Variants in FGF12 observed in about 807,000 individuals in gnomAD.
The protein encoded by FGF12 is fibroblast growth factor 12, also known as fibroblast growth factor 12B.
In FGF12, 14 loss-of-function variants were observed where a neutral mutation model predicts 23.6. That is an observed-to-expected ratio of 0.59 (90% CI 0.39 to 0.93). FGF12 has a LOEUF of 0.93. Ranked by LOEUF, FGF12 falls within the 40% of genes least tolerant of loss-of-function variation. The pLI is 0.00. For synonymous variants in FGF12, 62 were observed against 77.3 expected (o/e 0.80, Z 1.04); for missense variants, 175 against 217.8 (o/e 0.80, Z 1.24).
chr3:192,355,161 T>C (rs773925168), intron 3 of FGF12, among the ~76,000 whole-genome samples: 26 of 152,248 alleles, frequency 1.7e-4, no homozygotes, highest in Non-Finnish European at 3.4e-4. Context: ...TCTAGGTAAC[T>C]ATCCTATAAA....
chr3:192,624,748 TA>T (rs769605117), intron 2 of FGF12, among the ~76,000 whole-genome samples: 7 of 152,166 alleles, frequency 4.6e-5, no homozygotes, highest in Non-Finnish European at 8.8e-5. Flanking sequence ...ACAATGATTG[TA>T]AAATTAATTT....
chr3:192,177,642 A>C (rs929383628), intron 4 of FGF12, among the ~76,000 whole-genome samples: 1 of 152,244 alleles, frequency 6.6e-6, no homozygotes, highest in African/African-American at 2.4e-5. Context: ...ATGTACAGTC[A>C]ATGAGTGAAT....
chr3:192,407,723 T>TGAATGAATGAATG (rs760552008), intron 2 of FGF12, among the ~76,000 whole-genome samples: 4,564 of 147,582 alleles, frequency 0.031, 113 homozygotes, highest in African/African-American at 0.067. Context: ...ATGAATGAAT[T>TGAATGAATGAATG]AATGAATGAA....
chr3:192,170,136 CTT>C (rs5855410), intron 5 of FGF12, among the ~76,000 whole-genome samples: 16 of 127,584 alleles, frequency 1.3e-4, no homozygotes, highest in South Asian at 5.3e-4. Context: ...TAGAATTTTC[CTT>C]TTTTTTTTTT....
intron 4 of FGF12, among the ~76,000 whole-genome samples, 170 bp downstream of exon 4, chr3:192,335,191 G>A (rs1294573918): frequency 6.6e-6 from 1 of 152,058 alleles, no homozygotes; most frequent in African/African-American, 2.4e-5. Flanking sequence ...AACAAGACAT[G>A]GTCCTTAACA....
intron 2 of FGF12, among the ~76,000 whole-genome samples, chr3:192,464,765 T>A (rs1722962921): frequency 6.6e-6 from 1 of 152,160 alleles, no homozygotes; most frequent in Admixed American, 6.5e-5. Flanking sequence ...TACAGCTTTT[T>A]CCTGTGGACT....
chr3:192,447,112 C>G (rs1722377031), intron 2 of FGF12, among the ~76,000 whole-genome samples: 1 of 152,108 alleles, frequency 6.6e-6, no homozygotes, highest in African/African-American at 2.4e-5. Context: ...TATTGTCTTC[C>G]CCAGTAGAGG....
At chr3:192,505,416 T>C (rs1021483859) in intron 2 of FGF12, among the ~76,000 whole-genome samples, 1 of 152,198 alleles carries the variant, frequency 6.6e-6, no homozygotes, top group African/African-American at 2.4e-5. Flanking sequence ...TGTACCTCTT[T>C]CCATATTTAG....
At chr3:192,500,039 A>C (rs924154086) in intron 2 of FGF12, among the ~76,000 whole-genome samples, 10 of 152,156 alleles carry the variant, frequency 6.6e-5, no homozygotes, top group African/African-American at 2.4e-4. Context: ...TCATGAGGTG[A>C]GAAGATCAAT....
At position 192,551,754 on chromosome 3, in the gene FGF12, A is replaced by G. The variant is rs532246752; in HGVS notation, c.13+175427T>C. 2.7e-5 allele frequency among the ~76,000 whole-genome samples: 4 copies of G among 147,848 alleles called. No individual in the cohort carries two copies. The East Asian group carries it at 7.8e-4, about 29-fold the overall frequency. ...GAATAAAACTAAACACTCCTCAAAG[A>G]AAAAAAAAATACTCAATACATACCA... On this transcript the variant is annotated intron_variant, in intron 2 of 5. Coordinates refer to ENST00000445105, the MANE Select transcript of FGF12 (RefSeq NM_004113.6).
At chr3:192,279,917 T>C (rs1204784135) in intron 4 of FGF12, among the ~76,000 whole-genome samples, 1 of 152,226 alleles carries the variant, frequency 6.6e-6, no homozygotes, top group East Asian at 1.9e-4. Context: ...CTAATGCATA[T>C]TAAATTATGC....
intron 4 of FGF12, among the ~76,000 whole-genome samples, chr3:192,247,032 AGAAGGAAGGAAGGAAGGAAG>A (rs71177355): frequency 0.13 from 10,935 of 86,200 alleles, 742 homozygotes; most frequent in South Asian, 0.18. Flanking sequence ...AGGGAAGGAA[AGAAGGAAGGAAGGAAGGAAG>A]GAAGGAAGGA....
intron 2 of FGF12, among the ~76,000 whole-genome samples, chr3:192,421,297 C>A (rs2108784318): frequency 6.6e-6 from 1 of 151,966 alleles, no homozygotes; most frequent in African/African-American, 2.4e-5. Flanking sequence ...GATTTAAGTC[C>A]TTTAATGAAG....
chr3:192,640,451 T>A (rs1028589228), intron 2 of FGF12, among the ~76,000 whole-genome samples: 1 of 152,146 alleles, frequency 6.6e-6, no homozygotes, highest in African/African-American at 2.4e-5. Context: ...ATATCACATA[T>A]AAGTAAAGAT....
intron 4 of FGF12, among the ~76,000 whole-genome samples, chr3:192,182,431 A>T (rs1209960107): frequency 6.6e-6 from 1 of 152,178 alleles, no homozygotes; most frequent in Non-Finnish European, 1.5e-5. Flanking sequence ...CAGGCTCACA[A>T]AACAAAGATG....
Position 192,461,454 on chromosome 3 carries a change from A to C in FGF12, c.14-100916T>G, listed in dbSNP as rs920649058. 2.6e-5 allele frequency among the ~76,000 whole-genome samples: 4 copies of C among 152,346 alleles called. No individual in the cohort carries two copies. The South Asian group carries it at 8.3e-4, about 32-fold the overall frequency. ...AAGAGAAGAGTACAAAATTCCTGTG[A>C]AGGATTAATAGTGACTGGAATTCCA... On this transcript the variant is annotated intron_variant, in intron 2 of 5. Transcript: ENST00000445105.
intron 2 of FGF12, among the ~76,000 whole-genome samples, chr3:192,475,060 T>C (rs1170013266): frequency 6.6e-6 from 1 of 152,186 alleles, no homozygotes; most frequent in Non-Finnish European, 1.5e-5. Context: ...GGTATCCTTC[T>C]AACAATTCCT....
At position 192,438,890 on chromosome 3, in the gene FGF12, A is replaced by G. The variant is rs376370468; in HGVS notation, c.14-78352T>C. ...AAACAGAACAGGTTGGCTTGAGAGAAGCACCTCTACAGGGCTGAATGTAAA... is the reference window on the plus strand; with the variant it reads ...AAACAGAACAGGTTGGCTTGAGAGAGGCACCTCTACAGGGCTGAATGTAAA... On this transcript the variant is annotated intron_variant, in intron 2 of 5. Coordinates refer to ENST00000445105, the MANE Select transcript of FGF12 (RefSeq NM_004113.6). Among the ~76,000 whole-genome samples the G allele has an allele frequency of 3.9e-5, 6 of 152,330 alleles. No individual in the cohort carries two copies. In the South Asian group the frequency reaches 1.2e-3, roughly 32 times the overall value.
intron 4 of FGF12, among the ~76,000 whole-genome samples, chr3:192,176,076 T>A (rs530203285): frequency 1.5e-4 from 23 of 152,254 alleles, no homozygotes; most frequent in African/African-American, 5.5e-4. Context: ...CAAGGATAAA[T>A]AGACAGAAAT....
Sources: allele counts gnomAD v4.1 joint callset (sites outside exome capture counted in the v4.1 genomes callset), GRCh38; gene constraint gnomAD v4.1.1; transcripts MANE v1.5; gene names NCBI Gene and HGNC (gene_info 2026-07-23, HGNC 2026-07-21).